MMP16: variants seen among roughly 807,000 people sequenced by gnomAD.
The protein encoded by MMP16 is matrix metallopeptidase 16.
In MMP16, 12 loss-of-function variants were observed where a neutral mutation model predicts 67.8. The ratio of observed to expected loss-of-function variants is 0.18; its 90% CI spans 0.11 to 0.29. The LOEUF (loss-of-function observed/expected upper bound fraction) is 0.29, where lower values mean the gene tolerates loss of function less well. Among genes scored for constraint, MMP16 ranks in the 10% least tolerant of loss-of-function variants. MMP16 has a pLI of 1.00. For synonymous variants in MMP16, 249 were observed against 255.9 expected, an observed-to-expected ratio of 0.97 and a Z score of 0.26; for missense variants, 475 against 765.7, an observed-to-expected ratio of 0.62 and a Z score of 4.48.
chr8:88,253,108 A>G (rs1810250942), intron 1 of MMP16, among the ~76,000 whole-genome samples: 1 of 152,116 alleles, frequency 6.6e-6, no homozygotes, highest in African/African-American at 2.4e-5. Context: ...TCAGTTATTT[A>G]CAGAGGTACT....
At chr8:88,099,577 A>G (rs571351673) in intron 6 of MMP16, among the ~76,000 whole-genome samples, 1 of 151,980 alleles carries the variant, frequency 6.6e-6, no homozygotes, top group South Asian at 2.1e-4. Flanking sequence ...TTATTTGACT[A>G]GAAATTTATA....
At chr8:88,121,908 C>T (rs968187575) in intron 4 of MMP16, among the ~76,000 whole-genome samples, 1 of 151,924 alleles carries the variant, frequency 6.6e-6, no homozygotes, top group African/African-American at 2.4e-5. Context: ...GCTGACATAT[C>T]CTGAATGTTA....
At chr8:88,194,876 C>T (rs983391190) in intron 2 of MMP16, among the ~76,000 whole-genome samples, 2 of 152,004 alleles carry the variant, frequency 1.3e-5, no homozygotes, top group Non-Finnish European at 2.9e-5. Context: ...AGCTCCAAAC[C>T]AAAACAAACA....
intron 1 of MMP16, among the ~76,000 whole-genome samples, chr8:88,243,897 T>C (rs1056607801): frequency 2.0e-5 from 3 of 152,180 alleles, no homozygotes; most frequent in African/African-American, 7.2e-5. Context: ...ATTTTAGTCT[T>C]ACAGCCATTC....
Position 88,041,292 on chromosome 8 carries a change from G to C in MMP16, c.*169C>G. ...GCATCATGGAAGCTTCCCCATGAGT[G>C]TATTTCCACTCATGTGCAGGACCAG... On this transcript the variant is annotated 3_prime_UTR_variant, in exon 10 of 10. Coordinates refer to ENST00000286614, the MANE Select transcript of MMP16 (RefSeq NM_005941.5). This position sits in a 1 kb window ranked among gnomAD's most constrained non-coding sequence, Gnocchi z 6.0. The C allele has an allele frequency of 1.6e-6, 1 of 631,338 alleles. No homozygotes were observed. The allele number at this position is 631,338 out of a possible 1,614,324, so 39.1% of individuals were successfully genotyped here. A position where few individuals can be genotyped will look rare whatever the true frequency, so the allele number is the denominator to read the frequency against.
rs144072616 is a variant in MMP16, at chr8:88,245,849, C to A, written c.133-48543G>T. ...GTGCAGAGCAATAATAAATAAAGCA[C>A]CCTTTTTCAAATAATCATTATAAAG... On this transcript the variant is annotated intron_variant, in intron 1 of 9. Transcript: ENST00000286614. Among the ~76,000 whole-genome samples the A allele has an allele frequency of 1.9e-4, 29 of 152,218 alleles. No individual in the cohort carries two copies. In the East Asian group the frequency reaches 5.0e-3, roughly 26 times the overall value.
intron 6 of MMP16, among the ~76,000 whole-genome samples, chr8:88,092,172 A>G (rs12675659): frequency 0.069 from 10,542 of 151,952 alleles, 466 homozygotes; most frequent in East Asian, 0.18. Flanking sequence ...CTACTGGTGT[A>G]GTCAGCTGAA....
chr8:88,162,644 A>T (rs1297267859), intron 4 of MMP16, among the ~76,000 whole-genome samples: 3 of 152,012 alleles, frequency 2.0e-5, no homozygotes, highest in Non-Finnish European at 2.9e-5. Flanking sequence ...GATCTTCAGT[A>T]CTGTAGGAGG....
At chr8:88,160,172 A>C (rs1316971639) in intron 4 of MMP16, among the ~76,000 whole-genome samples, 2 of 151,898 alleles carry the variant, frequency 1.3e-5, no homozygotes, top group South Asian at 2.1e-4. Context: ...CTTCCTGTGT[A>C]CATGTGTTCT....
At chr8:88,133,796 G>C (rs1038907949) in intron 4 of MMP16, among the ~76,000 whole-genome samples, 2 of 151,618 alleles carry the variant, frequency 1.3e-5, no homozygotes, top group African/African-American at 4.8e-5. Flanking sequence ...AATTATCATG[G>C]TTCGCATTAT....
At chr8:88,294,096 A>T (rs73692216) in intron 1 of MMP16, among the ~76,000 whole-genome samples, 15,402 of 151,960 alleles carry the variant, frequency 0.1, 940 homozygotes, top group South Asian at 0.17. Context: ...ATCTATAAAG[A>T]TGCCTTATAA....
chr8:88,139,608 C>A (rs28907602), intron 4 of MMP16, among the ~76,000 whole-genome samples: 3 of 151,930 alleles, frequency 2.0e-5, no homozygotes, highest in Non-Finnish European at 4.4e-5. Context: ...AGTTTTTTTA[C>A]CCTCTTCTTT....
chr8:88,133,157 T>A (rs997077008), intron 4 of MMP16, among the ~76,000 whole-genome samples: 1 of 151,870 alleles, frequency 6.6e-6, no homozygotes, highest in African/African-American at 2.4e-5. Flanking sequence ...TGGGAATTCA[T>A]GTTACTTAAG....
chr8:88,095,235 G>A (rs1460960615), intron 6 of MMP16, among the ~76,000 whole-genome samples: 2 of 151,674 alleles, frequency 1.3e-5, no homozygotes, highest in South Asian at 2.1e-4. Context: ...ATTTTTGCAA[G>A]TTTATTATAA....
chr8:88,222,160 GTGTAGATGACA>G (rs1229677622), intron 1 of MMP16, among the ~76,000 whole-genome samples: 1 of 151,920 alleles, frequency 6.6e-6, no homozygotes, highest in Non-Finnish European at 1.5e-5. Context: ...AAAAACAAGT[GTGTAGATGACA>G]TGGAATCTTG....
intron 1 of MMP16, among the ~76,000 whole-genome samples, chr8:88,296,745 T>C (rs1261972686): frequency 6.6e-6 from 1 of 150,998 alleles, no homozygotes; most frequent in Non-Finnish European, 1.5e-5. Context: ...CTCAGGGGGC[T>C]GAGGCACTAG....
At chr8:88,240,810 GCT>G (rs1400395425) in intron 1 of MMP16, among the ~76,000 whole-genome samples, 1 of 151,988 alleles carries the variant, frequency 6.6e-6, no homozygotes, top group Non-Finnish European at 1.5e-5. Flanking sequence ...ATTCATGCAT[GCT>G]TTCTATTTTA....
chr8:88,187,842 A>G (rs114228903), intron 2 of MMP16, among the ~76,000 whole-genome samples: 2,093 of 152,308 alleles, frequency 0.014, 52 homozygotes, highest in African/African-American at 0.047. Flanking sequence ...CAGATTTAAC[A>G]AATTCCATCC....
Position 88,154,352 on chromosome 8 carries a change from C to T in MMP16, c.709+13317G>A, listed in dbSNP as rs1043114180. Among the ~76,000 whole-genome samples, 98 of 139,842 alleles carry T rather than the reference C, an allele frequency of 7.0e-4. 1 individual carries two copies. In the South Asian group the frequency reaches 0.024, roughly 34 times the overall value. 91.7% of individuals were successfully genotyped at this position (139,842 alleles called of 152,430 possible). ...GAACTAGAAATACCATTTGACCCAG[C>T]CATCCCATTACTGGGTATATACCCA... On this transcript the variant is annotated intron_variant, in intron 4 of 9. Coordinates refer to ENST00000286614, the MANE Select transcript of MMP16 (RefSeq NM_005941.5).
Sources: allele counts gnomAD v4.1 joint callset (sites outside exome capture counted in the v4.1 genomes callset), GRCh38; gene constraint gnomAD v4.1.1; non-coding constraint Gnocchi (gnomAD v3.1); transcripts MANE v1.5; gene names NCBI Gene and HGNC (gene_info 2026-07-23, HGNC 2026-07-21).